DENND1A: variants seen among roughly 807,000 people sequenced by gnomAD.
DENND1A encodes DENN domain containing 1A.
In DENND1A, 51 loss-of-function variants were observed where a neutral mutation model predicts 113.7. The ratio of observed to expected loss-of-function variants is 0.45; its 90% CI spans 0.36 to 0.57. DENND1A has a LOEUF of 0.57. DENND1A is among the 20% of genes least tolerant of loss of function. DENND1A has a pLI of 0.00. For synonymous variants in DENND1A, 565 were observed against 570.8 expected (o/e 0.99, Z 0.14); for missense variants, 1,258 against 1,395.9 (o/e 0.90, Z 1.57).
At chr9:123,912,409 T>C (rs1010295462) in intron 1 of DENND1A, among the ~76,000 whole-genome samples, 2 of 152,144 alleles carry the variant, frequency 1.3e-5, no homozygotes, top group East Asian at 1.9e-4. Flanking sequence ...GAAATGCCAA[T>C]TGATGCAGAC....
chr9:123,396,658 G>A (rs1404904150), intron 21 of DENND1A, among the ~76,000 whole-genome samples: 2 of 152,200 alleles, frequency 1.3e-5, no homozygotes, highest in Admixed American at 6.5e-5. Context: ...CTTTGGTGCT[G>A]GGGTCACGCA....
chr9:123,385,198 CTT>C (rs2042495110), intron 22 of DENND1A, among the ~76,000 whole-genome samples: 3 of 152,072 alleles, frequency 2.0e-5, no homozygotes, highest in South Asian at 2.1e-4. Context: ...GAGTTTCACT[CTT>C]GTCTCCCAGG....
intron 13 of DENND1A, among the ~76,000 whole-genome samples, chr9:123,474,408 T>C (rs1352661601): frequency 6.6e-6 from 1 of 152,188 alleles, no homozygotes; most frequent in African/African-American, 2.4e-5. Flanking sequence ...AGTTTTTGAC[T>C]GGGATAAAAA....
At chr9:123,451,292 A>G (rs891273687) in intron 17 of DENND1A, among the ~76,000 whole-genome samples, 5 of 152,352 alleles carry the variant, frequency 3.3e-5, no homozygotes, top group Non-Finnish European at 5.9e-5. Flanking sequence ...TCCTGCTAAA[A>G]TAACTACAGC....
chr9:123,554,272 GA>G (rs2057300684), intron 13 of DENND1A, among the ~76,000 whole-genome samples: 1 of 152,196 alleles, frequency 6.6e-6, no homozygotes, highest in Non-Finnish European at 1.5e-5. Context: ...GCCCAGGCTG[GA>G]ATGCAGTGGC....
chr9:123,573,337 G>A (rs1019456633), intron 12 of DENND1A, among the ~76,000 whole-genome samples: 8 of 152,058 alleles, frequency 5.3e-5, no homozygotes, highest in African/African-American at 1.9e-4. Flanking sequence ...TCTGGAATTT[G>A]GGTTGGGATT....
At chr9:123,826,663 C>G (rs1039776402) in intron 2 of DENND1A, among the ~76,000 whole-genome samples, 5 of 152,056 alleles carry the variant, frequency 3.3e-5, no homozygotes, top group African/African-American at 1.2e-4. Flanking sequence ...TTCAAGATAC[C>G]CCTTGGCTTC....
intron 5 of DENND1A, among the ~76,000 whole-genome samples, chr9:123,694,859 A>T (rs1054244733): frequency 1.3e-5 from 2 of 152,302 alleles, no homozygotes; most frequent in African/African-American, 4.8e-5. Context: ...ACTTGATTGA[A>T]TTGAAGGATA....
intron 2 of DENND1A, among the ~76,000 whole-genome samples, chr9:123,870,003 C>CAAAAAAAAAA: frequency 1.3e-5 from 1 of 78,596 alleles, no homozygotes; most frequent in Non-Finnish European, 2.8e-5. Context: ...GACCCTGTCT[C>CAAAAAAAAAA]AAAAAAAAAA....
At chr9:123,579,777 G>C (rs1005523406) in intron 12 of DENND1A, among the ~76,000 whole-genome samples, 2 of 152,188 alleles carry the variant, frequency 1.3e-5, no homozygotes, top group Admixed American at 1.3e-4. Context: ...GGCAGGGCAC[G>C]ATTTCTCCTC....
chr9:123,902,316 G>A (rs1851802202), intron 1 of DENND1A, among the ~76,000 whole-genome samples: 1 of 152,178 alleles, frequency 6.6e-6, no homozygotes, highest in Non-Finnish European at 1.5e-5. Context: ...AAAAAGTTCA[G>A]TGAAAGCAGA....
At chr9:123,487,163 A>T (rs2050951655) in intron 13 of DENND1A, among the ~76,000 whole-genome samples, 1 of 152,252 alleles carries the variant, frequency 6.6e-6, no homozygotes, top group South Asian at 2.1e-4. Flanking sequence ...GAGTCTAGAC[A>T]TCATTTGAGC....
At chr9:123,780,622 G>A (rs546141299) in intron 3 of DENND1A, among the ~76,000 whole-genome samples, 16 of 152,252 alleles carry the variant, frequency 1.1e-4, no homozygotes, top group East Asian at 5.8e-4. Flanking sequence ...GAATGGGGAA[G>A]ACTATTAAAG....
Position 123,898,799 on chromosome 9 carries a change from T to C in DENND1A, c.18-19778A>G, listed in dbSNP as rs116376438. Among the ~76,000 whole-genome samples, 140 of 152,362 alleles carry C rather than the reference T, an allele frequency of 9.2e-4. 1 individual carries two copies. The highest frequency in any genetic ancestry group is 3.2e-3 in the African/African-American group (133 of 41,590). Reference sequence around the variant, plus strand: ...TACAGTGTGCTCTTTGTGTCCTACTTAAGAAGGTAAACTTGACAGCACCTT... The same window carrying C: ...TACAGTGTGCTCTTTGTGTCCTACTCAAGAAGGTAAACTTGACAGCACCTT... On this transcript the variant is annotated intron_variant, in intron 1 of 23. Coordinates refer to ENST00000394215, the MANE Select transcript of DENND1A (RefSeq NM_001352964.2).
In DENND1A at chr9:123,457,402, C is replaced by T. The variant is rs765285729; in HGVS notation, c.1132G>A (p.Gly378Ser). 7.4e-6 allele frequency: 12 copies of T among 1,613,788 alleles called. No homozygotes were observed. The highest frequency in any genetic ancestry group is 8.5e-6 in the Non-Finnish European group (10 of 1,179,944). Residue 378 changes from glycine to serine, a missense_variant, in exon 15 of 24, where the codon GGC (glycine) becomes AGC (serine). Physicochemically the swap from Gly to Ser is moderately conservative, Grantham distance 56. Transcript: ENST00000394215. ...IDGRLDLLNSGEGFSDVFEEE... is the reference protein window; with the variant it reads ...IDGRLDLLNSSEGFSDVFEEE... ...TCAAAAACATCACTGAAACCTTCGC[C>T]GGAATTGAGAAGATCTAATCGACCA...
intron 2 of DENND1A, among the ~76,000 whole-genome samples, chr9:123,827,929 T>C (rs1212710428): frequency 1.3e-5 from 2 of 152,166 alleles, no homozygotes; most frequent in Non-Finnish European, 2.9e-5. Flanking sequence ...AGGAGGATAA[T>C]ATTACCCTAG....
intron 8 of DENND1A, among the ~76,000 whole-genome samples, chr9:123,654,262 G>A (rs2062820554): frequency 6.6e-6 from 1 of 152,154 alleles, no homozygotes; most frequent in African/African-American, 2.4e-5. Flanking sequence ...TGAATTACAT[G>A]AATTTTTCTT....
intron 5 of DENND1A, among the ~76,000 whole-genome samples, chr9:123,697,699 C>A (rs1369087806): frequency 6.6e-6 from 1 of 152,138 alleles, no homozygotes; most frequent in Admixed American, 6.5e-5. Context: ...TCCCCCTTCC[C>A]CCACTTCTGC....
rs115118357 is a variant in DENND1A at position 123,520,825 on chromosome 9, C to T, written c.993+36745G>A. Among the ~76,000 whole-genome samples the T allele has an allele frequency of 4.8e-3, 728 of 152,254 alleles. 5 individuals are homozygous for T. The highest frequency in any genetic ancestry group is 0.017 in the African/African-American group (692 of 41,546). On this transcript the variant is annotated intron_variant, in intron 13 of 23. Transcript: ENST00000394215. ...CCACTACCTAAAGTGGTGTCTGGCA[C>T]GCAGTAGGCATTTAGAAACCCTTGT...
Sources: allele counts gnomAD v4.1 joint callset (sites outside exome capture counted in the v4.1 genomes callset), GRCh38; gene constraint gnomAD v4.1.1; transcripts MANE v1.5; gene names NCBI Gene and HGNC (gene_info 2026-07-23, HGNC 2026-07-21).